The following FLACC1 variants were observed in gnomAD, a reference collection of about 807,000 sequenced individuals.
The protein encoded by FLACC1 is flagellum associated containing coiled-coil domains 1.
A neutral mutation model predicts 62.8 loss-of-function variants in FLACC1; 66 were observed. That is an observed-to-expected ratio of 1.05 (90% confidence interval 0.86 to 1.29). The LOEUF is 1.29. Ranked by LOEUF, FLACC1 falls within the 50% of genes most tolerant of loss-of-function variation. The pLI is 0.00. For missense variants in FLACC1, 452 were observed against 489.1 expected, an observed-to-expected ratio of 0.92 and a Z score of 0.71; for synonymous variants, 156 against 161.0, an observed-to-expected ratio of 0.97 and a Z score of 0.24.
At chr2:201,361,049 G>A (rs1399971000), upstream of FLACC1, among the ~76,000 whole-genome samples, 1 of 152,148 alleles carries the variant, frequency 6.6e-6, no homozygotes, top group Non-Finnish European at 1.5e-5. Flanking sequence ...CTGCATTCAA[G>A]CCTGGATGAT....
At chr2:201,320,780 C>A (rs905146353) in intron 9 of FLACC1, among the ~76,000 whole-genome samples, 5 of 152,202 alleles carry the variant, frequency 3.3e-5, no homozygotes. Context: ...AGGACAGAAA[C>A]TCTTGGGGGC....
intron 10 of FLACC1, among the ~76,000 whole-genome samples, 198 bp downstream of exon 10, chr2:201,308,953 T>C (rs1353301434): frequency 2.0e-5 from 3 of 152,220 alleles, no homozygotes; most frequent in East Asian, 1.9e-4. Context: ...TTAGATCAGA[T>C]GCCTGAACTT....
chr2:201,359,866 T>C (rs1173763368), upstream of FLACC1, among the ~76,000 whole-genome samples: 1 of 152,142 alleles, frequency 6.6e-6, no homozygotes, highest in East Asian at 1.9e-4. Context: ...ACAATCTGTC[T>C]CCATCCAGAG....
chr2:201,326,523 C>T lies in FLACC1; in HGVS notation c.675+3947G>A, dbSNP rs1013413119. Among the ~76,000 whole-genome samples the T allele has an allele frequency of 1.3e-4, 20 of 152,114 alleles. No individual in the cohort carries two copies. Among genetic ancestry groups the T allele is most frequent in the African/African-American group, 4.8e-4 (20 of 41,430 alleles). The stretch of plus-strand genomic sequence containing the variant: ...TATCAGTAGCACTGCTATACGCTAA[C>T]AACGACCAAGCTGAGAATCAAAAAA... On this transcript the variant is annotated intron_variant, in intron 9 of 14. Coordinates refer to ENST00000392257, the MANE Select transcript of FLACC1 (RefSeq NM_001127391.3). This position sits in a 1 kb window ranked among gnomAD's most constrained non-coding sequence, Gnocchi z 4.1.
intron 9 of FLACC1, among the ~76,000 whole-genome samples, chr2:201,327,706 C>T (rs750246498): frequency 4.6e-5 from 7 of 151,976 alleles, no homozygotes; most frequent in Non-Finnish European, 7.4e-5. Context: ...TTATATACTG[C>T]TGGTGGGAAT....
intron 9 of FLACC1, among the ~76,000 whole-genome samples, chr2:201,325,793 G>A (rs1950490149): frequency 6.6e-6 from 1 of 152,146 alleles, no homozygotes; most frequent in Non-Finnish European, 1.5e-5. Flanking sequence ...GAAAGATTGA[G>A]AAAGAGGGAA....
intron 12 of FLACC1, among the ~76,000 whole-genome samples, chr2:201,290,869 C>G (rs1559381911): frequency 1.3e-5 from 2 of 152,206 alleles, no homozygotes; most frequent in Non-Finnish European, 2.9e-5. Flanking sequence ...AAACGGCACA[C>G]CAGAAGATTG....
intron 12 of FLACC1, 144 bp downstream of exon 12, chr2:201,299,094 T>C (rs1949924482): frequency 1.3e-6 from 1 of 747,224 alleles, no homozygotes; most frequent in Admixed American, 3.0e-5. Flanking sequence ...TTTAACTTAT[T>C]GAATCCAGTA....
chr2:201,321,581 A>C (rs894173871), intron 9 of FLACC1, among the ~76,000 whole-genome samples: 4 of 152,164 alleles, frequency 2.6e-5, no homozygotes, highest in Non-Finnish European at 4.4e-5. Context: ...TTTCTGGAAG[A>C]CATCAGGGTG....
At chr2:201,305,474 A>C (rs1024247564) in intron 11 of FLACC1, among the ~76,000 whole-genome samples, 3 of 152,234 alleles carry the variant, frequency 2.0e-5, no homozygotes, top group African/African-American at 7.2e-5. Flanking sequence ...GAACACTTTT[A>C]CACTGTTGGT....
At chr2:201,344,884 T>C (rs548037289) in intron 5 of FLACC1, among the ~76,000 whole-genome samples, 1 of 152,302 alleles carries the variant, frequency 6.6e-6, no homozygotes, top group Admixed American at 6.5e-5. Flanking sequence ...TTTGACCTCT[T>C]TGGCCAACCA....
intron 9 of FLACC1, among the ~76,000 whole-genome samples, chr2:201,322,232 C>G (rs1460187336): frequency 6.6e-6 from 1 of 150,526 alleles, no homozygotes; most frequent in African/African-American, 2.5e-5. Flanking sequence ...ACACTGCACT[C>G]CAGCCTGGGC....
At chr2:201,360,131 A>G (rs185047875), upstream of FLACC1, among the ~76,000 whole-genome samples, 2 of 152,278 alleles carry the variant, frequency 1.3e-5, no homozygotes, top group Admixed American at 1.3e-4. Context: ...GCCAGTTCCA[A>G]AACAGCTGAG....
intron 12 of FLACC1, among the ~76,000 whole-genome samples, chr2:201,296,212 C>T (rs1436218887): frequency 3.9e-5 from 6 of 152,170 alleles, no homozygotes; most frequent in Admixed American, 1.3e-4. Flanking sequence ...CACATGCACA[C>T]GTATGTTTAT....
At chr2:201,336,840 C>CTA (rs1467984685) in intron 7 of FLACC1, among the ~76,000 whole-genome samples, 1 of 152,156 alleles carries the variant, frequency 6.6e-6, no homozygotes, top group Non-Finnish European at 1.5e-5. Flanking sequence ...AATAGCCATT[C>CTA]TAACTGGTGT....
intron 3 of FLACC1, among the ~76,000 whole-genome samples, chr2:201,348,934 T>C (rs889007171): frequency 6.6e-6 from 1 of 152,210 alleles, no homozygotes; most frequent in Non-Finnish European, 1.5e-5. Context: ...TCTCTGACTC[T>C]GACACTGTGA....
At chr2:201,305,841 A>G (rs1248488280) in intron 11 of FLACC1, among the ~76,000 whole-genome samples, 1 of 151,914 alleles carries the variant, frequency 6.6e-6, no homozygotes, top group East Asian at 1.9e-4. Context: ...AGGACAGAAA[A>G]CCAAACACCG....
intron 12 of FLACC1, among the ~76,000 whole-genome samples, chr2:201,290,644 A>T (rs1166482614): frequency 6.6e-6 from 1 of 152,182 alleles, no homozygotes; most frequent in Admixed American, 6.5e-5. Flanking sequence ...CAACTGAGGT[A>T]TCGTGTTCAT....
At chr2:201,294,291 A>C (rs6706074) in intron 12 of FLACC1, among the ~76,000 whole-genome samples, 8,644 of 152,270 alleles carry the variant, frequency 0.057, 691 homozygotes, top group African/African-American at 0.17. Flanking sequence ...TGGCAAACCA[A>C]ATATAGCAGC....
Sources: gnomAD v4.1 joint callset for allele counts (sites outside exome capture counted in the v4.1 genomes callset) on GRCh38, gnomAD v4.1.1 for gene constraint, Gnocchi (gnomAD v3.1) non-coding constraint, MANE v1.5 for transcripts, NCBI Gene and HGNC (gene_info 2026-07-23, HGNC 2026-07-21) for gene names.